Variants in CSRNP3 observed in about 807,000 individuals in gnomAD.
CSRNP3 encodes cysteine/serine-rich nuclear protein 3.
A neutral mutation model predicts 48.0 loss-of-function variants in CSRNP3; 12 were observed. The observed-to-expected ratio is 0.25, with a 90% CI of 0.16 to 0.41. CSRNP3 has a LOEUF of 0.41. Among genes scored for constraint, CSRNP3 ranks in the 10% least tolerant of loss-of-function variants. CSRNP3 has a pLI of 1.00. For missense variants in CSRNP3, 580 were observed against 724.4 expected, an observed-to-expected ratio of 0.80 and a Z score of 2.29; for synonymous variants, 263 against 269.7, an observed-to-expected ratio of 0.98 and a Z score of 0.24.
chr2:165,507,526 G>T (rs956370736), intron 2 of CSRNP3, among the ~76,000 whole-genome samples: 1 of 152,074 alleles, frequency 6.6e-6, no homozygotes. Context: ...GGCATCTATT[G>T]TGATGCCTAT....
intron 4 of CSRNP3, among the ~76,000 whole-genome samples, chr2:165,604,005 T>A (rs1195510178): frequency 1.3e-5 from 2 of 152,354 alleles, no homozygotes; most frequent in East Asian, 3.9e-4. Flanking sequence ...TGTAAGCTTA[T>A]TAAAAGCAGG....
intron 4 of CSRNP3, among the ~76,000 whole-genome samples, chr2:165,600,286 G>C (rs1467021452): frequency 6.7e-6 from 1 of 148,398 alleles, no homozygotes; most frequent in Non-Finnish European, 1.5e-5. Flanking sequence ...TGGCTTCATA[G>C]TATTCCATGG....
chr2:165,570,597 A>AG (rs1685356185), intron 3 of CSRNP3, among the ~76,000 whole-genome samples: 1 of 144,998 alleles, frequency 6.9e-6, no homozygotes, highest in South Asian at 2.1e-4. Flanking sequence ...TAATGCAGTA[A>AG]AAAAAAAAAA....
At chr2:165,625,828 C>T (rs1468096877) in intron 4 of CSRNP3, among the ~76,000 whole-genome samples, 1 of 145,388 alleles carries the variant, frequency 6.9e-6, no homozygotes, top group African/African-American at 2.6e-5. Flanking sequence ...AGCTACTCGG[C>T]AGGCTGAGGC....
chr2:165,539,946 C>A (rs1449102358), intron 3 of CSRNP3, among the ~76,000 whole-genome samples: 1 of 152,074 alleles, frequency 6.6e-6, no homozygotes, highest in Non-Finnish European at 1.5e-5. Context: ...CAGGTGAAGA[C>A]TACTCCTTGA....
intron 2 of CSRNP3, among the ~76,000 whole-genome samples, chr2:165,505,981 C>T (rs1483883178): frequency 6.6e-6 from 1 of 152,122 alleles, no homozygotes; most frequent in Non-Finnish European, 1.5e-5. Context: ...TATCCTAGCT[C>T]ATGTAATCGA....
intron 3 of CSRNP3, among the ~76,000 whole-genome samples, chr2:165,594,202 G>C (rs1685772927): frequency 6.6e-6 from 1 of 152,088 alleles, no homozygotes; most frequent in Non-Finnish European, 1.5e-5. Flanking sequence ...TGTACTTTCA[G>C]TTAATGTAAT....
intron 3 of CSRNP3, among the ~76,000 whole-genome samples, chr2:165,559,820 G>C (rs1257488448): frequency 1.4e-5 from 1 of 73,570 alleles, no homozygotes; most frequent in Non-Finnish European, 2.5e-5. Context: ...TTTTTTTTGA[G>C]ATGGAGTCTC....
intron 4 of CSRNP3, among the ~76,000 whole-genome samples, chr2:165,619,314 A>G (rs1020826312): frequency 6.6e-6 from 1 of 152,164 alleles, no homozygotes; most frequent in African/African-American, 2.4e-5. Context: ...CAGGATATTT[A>G]TCTTCCTACC....
Position 165,618,931 on chromosome 2 carries a change from G to A in CSRNP3, c.148+23718G>A, listed in dbSNP as rs987990198. ...AATTTGAAAAGCTGTTCAAACATTCGGTAACATGCTAGGAATACACTTCTT... is the reference window on the plus strand; with the variant it reads ...AATTTGAAAAGCTGTTCAAACATTCAGTAACATGCTAGGAATACACTTCTT... On this transcript the variant is annotated intron_variant, in intron 4 of 6. Transcript: ENST00000651982. 4.6e-5 allele frequency among the ~76,000 whole-genome samples: 7 copies of A among 152,066 alleles called. No homozygotes were observed. In the East Asian group the frequency reaches 7.7e-4, roughly 17 times the overall value.
At chr2:165,557,472 G>T (rs945782131) in intron 3 of CSRNP3, among the ~76,000 whole-genome samples, 1 of 152,140 alleles carries the variant, frequency 6.6e-6, no homozygotes, top group Admixed American at 6.5e-5. Flanking sequence ...AAATGGGATC[G>T]AGGGCATTTA....
chr2:165,527,156 A>C (rs1360275496), intron 3 of CSRNP3, among the ~76,000 whole-genome samples: 1 of 151,798 alleles, frequency 6.6e-6, no homozygotes, highest in Non-Finnish European at 1.5e-5. Context: ...TAAGTGAAAA[A>C]TAAGTTTATG....
At chr2:165,593,204 A>G (rs1466729625) in intron 3 of CSRNP3, among the ~76,000 whole-genome samples, 4 of 152,216 alleles carry the variant, frequency 2.6e-5, no homozygotes, top group Non-Finnish European at 4.4e-5. Context: ...TTACACCAGG[A>G]AAGGTCAAAG....
intron 4 of CSRNP3, among the ~76,000 whole-genome samples, chr2:165,624,010 T>G (rs1401251491): frequency 6.6e-6 from 1 of 152,198 alleles, no homozygotes; most frequent in Non-Finnish European, 1.5e-5. Flanking sequence ...AAGTTTTCTC[T>G]TATCGCTCCC....
chr2:165,559,320 T>C (rs1052097035), intron 3 of CSRNP3, among the ~76,000 whole-genome samples: 3 of 152,196 alleles, frequency 2.0e-5, no homozygotes, highest in African/African-American at 7.2e-5. Flanking sequence ...TGATCTCTAC[T>C]GCTGAAAGTG....
rs374516256 is a variant in CSRNP3, at chr2:165,592,801, C to CTTT, written c.-23-2242_-23-2241insTTT. Among the ~76,000 whole-genome samples, 253 of 133,392 alleles carry CTTT rather than the reference C, an allele frequency of 1.9e-3. 43 individuals are homozygous for CTTT. Among genetic ancestry groups the CTTT allele is most frequent in the African/African-American group, 2.9e-3 (102 of 35,500 alleles). 87.5% of individuals were successfully genotyped at this position (133,392 alleles called of 152,430 possible). On this transcript the variant is annotated intron_variant, in intron 3 of 6. Transcript: ENST00000651982. ...ACTGTGAGTCAATTAAACCTCTTTT[C>CTTT]ATTTTTTTTTTTTTTTTTGAGACGG...
chr2:165,676,235 A>C, intron 5 of CSRNP3, 77 bp from the exon 6 acceptor site: 1 of 1,059,026 alleles, frequency 9.4e-7, no homozygotes, highest in Non-Finnish European at 1.4e-6. Context: ...ATAATAGTTC[A>C]TTCTCACCCA....
chr2:165,619,908 A>G lies in CSRNP3; in HGVS notation c.148+24695A>G, dbSNP rs552639693. The stretch of plus-strand genomic sequence containing the variant: ...AACTTGCTACTTAGGTTGGGGGTAC[A>G]TATTCTTAGTAAGAGCAAGACTTGG... On this transcript the variant is annotated intron_variant, in intron 4 of 6. Coordinates refer to ENST00000651982, the MANE Select transcript of CSRNP3 (RefSeq NM_001172173.2). Among the ~76,000 whole-genome samples, 18 of 152,302 alleles carry G rather than the reference A, an allele frequency of 1.2e-4. No homozygotes were observed. The South Asian group carries it at 3.5e-3, about 30-fold the overall frequency.
At position 165,679,245 on chromosome 2, in the gene CSRNP3, C is replaced by A; in HGVS notation, c.1250C>A (p.Ala417Asp). 1 of 1,614,006 alleles carries A rather than the reference C, an allele frequency of 6.2e-7. No individual in the cohort carries two copies. Among genetic ancestry groups the A allele is most frequent in the Non-Finnish European group, 8.5e-7 (1 of 1,179,990 alleles). The change falls in exon 7 of 7, where the codon GCC (alanine) becomes GAC (aspartate). Residue 417 changes from alanine (A) to aspartate (D), a missense_variant. Ala to Asp is a moderately radical substitution (Grantham distance 126, BLOSUM62 -2). Transcript: ENST00000651982. ...GTTCTTTGTTATTCTGATGGCACCG[C>A]CGTTCACGAAAGCCATGCAAAGAAT... Reference protein sequence around the residue: ...PSVLCYSDGTAVHESHAKNAS... With the variant: ...PSVLCYSDGTDVHESHAKNAS...
Sources: allele counts gnomAD v4.1 joint callset (sites outside exome capture counted in the v4.1 genomes callset), GRCh38; gene constraint gnomAD v4.1.1; transcripts MANE v1.5; gene names NCBI Gene and HGNC (gene_info 2026-07-23, HGNC 2026-07-21).